PIWIL4: variants seen among roughly 807,000 people sequenced by gnomAD.
The protein encoded by PIWIL4 is piwi like RNA-mediated gene silencing 4.
A neutral mutation model predicts 100.9 loss-of-function variants in PIWIL4; 50 were observed. The observed-to-expected ratio is 0.50, with a 90% CI of 0.39 to 0.63. PIWIL4 has a LOEUF of 0.63. Among genes scored for constraint, PIWIL4 ranks in the 20% least tolerant of loss-of-function variants. PIWIL4 has a pLI of 0.00. For synonymous variants in PIWIL4, 342 were observed against 367.5 expected, an observed-to-expected ratio of 0.93 and a Z score of 0.79; for missense variants, 887 against 1,043.3, an observed-to-expected ratio of 0.85 and a Z score of 2.06.
intron 4 of PIWIL4, among the ~76,000 whole-genome samples, chr11:94,578,313 C>G (rs987360220): frequency 1.3e-5 from 2 of 152,276 alleles, no homozygotes; most frequent in Non-Finnish European, 2.9e-5. Flanking sequence ...GATCTGAATG[C>G]AATGAATTTG....
intron 13 of PIWIL4, 26 bp downstream of exon 13, chr11:94,604,082 C>A (rs758049082): frequency 2.1e-6 from 3 of 1,447,430 alleles, no homozygotes; most frequent in Non-Finnish European, 2.9e-6. Flanking sequence ...TTTTTGAACT[C>A]CTTTAATCTA....
chr11:94,593,810 G>T lies in PIWIL4; in HGVS notation c.1150+169G>T. Reference sequence around the variant, plus strand: ...ATAATAGAGACATGTTGGGGGAATCGATTCCCTTTATCTCATATATTCCAT... The same window carrying T: ...ATAATAGAGACATGTTGGGGGAATCTATTCCCTTTATCTCATATATTCCAT... On this transcript the variant is annotated intron_variant, in intron 9 of 19. Transcript: ENST00000299001. Among the ~76,000 whole-genome samples, 3 of 152,220 alleles carry T rather than the reference G, an allele frequency of 2.0e-5. No individual in the cohort carries two copies. The East Asian group carries it at 5.8e-4, about 29-fold the overall frequency.
In PIWIL4 at chr11:94,567,546, A is replaced by G; in HGVS notation, c.28A>G (p.Arg10Gly). MSGRARVKA[R>G]GIARSPSATE... ...GAGTGGAAGAGCCCGAGTGAAGGCC[A>G]GAGGCATCGCCCGCAGCCCCAGTGC... The change falls in exon 1 of 20, where the codon AGA (arginine) becomes GGA (glycine). Residue 10 changes from arginine (R) to glycine (G), a missense_variant. Transcript: ENST00000299001. 6.2e-7 allele frequency: 1 copy of G among 1,605,186 alleles called. No individual in the cohort carries two copies. Among genetic ancestry groups the G allele is most frequent in the Non-Finnish European group, 8.5e-7 (1 of 1,176,204 alleles).
rs140831045 is a variant in PIWIL4, at chr11:94,612,196, T to C, written c.1943+3510T>C. 2.2e-4 allele frequency among the ~76,000 whole-genome samples: 34 copies of C among 152,286 alleles called. No homozygotes were observed. In the East Asian group the frequency reaches 5.2e-3, roughly 23 times the overall value. ...TATTGCTGTTTCTCTCTTCAGATGT[T>C]AATATTTGATTTATATATTTAGATG... On this transcript the variant is annotated intron_variant, in intron 15 of 19. Coordinates refer to ENST00000299001, the MANE Select transcript of PIWIL4 (RefSeq NM_152431.3).
chr11:94,568,410 G>A (rs983353740), intron 1 of PIWIL4, among the ~76,000 whole-genome samples: 3 of 152,142 alleles, frequency 2.0e-5, no homozygotes, highest in African/African-American at 7.2e-5. Context: ...GAAGCATGAG[G>A]TCCATGTGCA....
At chr11:94,591,236 C>A (rs1372520134) in intron 8 of PIWIL4, among the ~76,000 whole-genome samples, 1 of 152,138 alleles carries the variant, frequency 6.6e-6, no homozygotes, top group Admixed American at 6.5e-5. Flanking sequence ...TCACCCCATC[C>A]ACTCACTGGC....
At chr11:94,620,549 G>A (rs1198698386) in intron 19 of PIWIL4, among the ~76,000 whole-genome samples, 1 of 152,158 alleles carries the variant, frequency 6.6e-6, no homozygotes, top group Admixed American at 6.5e-5. Flanking sequence ...ATTAGGCCAA[G>A]AGCTGTTCCC....
chr11:94,604,584 G>C lies in PIWIL4; in HGVS notation c.1638+528G>C, dbSNP rs141670129. On this transcript the variant is annotated intron_variant, in intron 13 of 19. Coordinates refer to ENST00000299001, the MANE Select transcript of PIWIL4 (RefSeq NM_152431.3). ...GTGTGTGTAGCTGACTTTGCAGACTGTTTGGGGCCAAGGCATGATTACATC... is the reference window on the plus strand; with the variant it reads ...GTGTGTGTAGCTGACTTTGCAGACTCTTTGGGGCCAAGGCATGATTACATC... Among the ~76,000 whole-genome samples, 43 of 152,284 alleles carry C rather than the reference G, an allele frequency of 2.8e-4. 1 individual carries two copies. The Middle Eastern group carries it at 0.01, about 36-fold the overall frequency.
intron 13 of PIWIL4, among the ~76,000 whole-genome samples, chr11:94,606,005 T>C (rs1948711170): frequency 6.6e-6 from 1 of 152,218 alleles, no homozygotes; most frequent in South Asian, 2.1e-4. Flanking sequence ...CCAGGAGTCC[T>C]GATTCCTTTT....
In PIWIL4 at chr11:94,620,265, G is replaced by T. The variant is rs76784511; in HGVS notation, c.2442+121G>T. The T allele has an allele frequency of 4.2e-3, 4,115 of 982,874 alleles. 128 individuals are homozygous for T. In the African/African-American group the frequency reaches 0.061, roughly 15 times the overall value. The allele number at this position is 982,874 out of a possible 1,614,324, so 60.9% of individuals were successfully genotyped here. ...CAATACCTGATATTTCCTAAAGAAG[G>T]AATGAATGAATGAATGAATCAATGA... On this transcript the variant is annotated intron_variant, in intron 19 of 19. Coordinates refer to ENST00000299001, the MANE Select transcript of PIWIL4 (RefSeq NM_152431.3).
chr11:94,572,999 A>C (rs539426477), intron 2 of PIWIL4, among the ~76,000 whole-genome samples: 13 of 152,266 alleles, frequency 8.5e-5, no homozygotes, highest in Non-Finnish European at 1.6e-4. Context: ...TGAAGAGGTC[A>C]TTCACATCCC....
intron 7 of PIWIL4, 129 bp from the exon 8 acceptor site, chr11:94,588,992 C>T (rs1948442620): frequency 1.6e-6 from 1 of 631,004 alleles, no homozygotes; most frequent in African/African-American, 1.8e-5. Flanking sequence ...AGTGAATATT[C>T]TTGTTTTATT....
intron 7 of PIWIL4, among the ~76,000 whole-genome samples, chr11:94,588,109 C>G (rs1050646522): frequency 1.3e-5 from 2 of 152,064 alleles, no homozygotes; most frequent in Non-Finnish European, 2.9e-5. Context: ...CTCTCCCTCC[C>G]CCCGACCCTA....
chr11:94,589,739 C>A (rs941559931), intron 8 of PIWIL4, among the ~76,000 whole-genome samples: 38 of 152,112 alleles, frequency 2.5e-4, no homozygotes, highest in African/African-American at 8.4e-4. Context: ...CCCTTGCATA[C>A]TCAGCTCAGC....
At chr11:94,608,829 A>G (rs1220657751) in intron 15 of PIWIL4, 143 bp downstream of exon 15, 5 of 717,290 alleles carry the variant, frequency 7.0e-6, no homozygotes, top group Non-Finnish European at 4.7e-6. Flanking sequence ...TTACACTTAC[A>G]TATAAAAATG....
At chr11:94,606,481 T>C (rs1035130064) in intron 13 of PIWIL4, among the ~76,000 whole-genome samples, 1 of 152,126 alleles carries the variant, frequency 6.6e-6, no homozygotes, top group African/African-American at 2.4e-5. Flanking sequence ...AAGTGGAGAA[T>C]AAAAGATGAG....
intron 15 of PIWIL4, among the ~76,000 whole-genome samples, chr11:94,616,171 T>C (rs368463881): frequency 2.0e-5 from 3 of 152,232 alleles, no homozygotes; most frequent in African/African-American, 7.2e-5. Flanking sequence ...TAGTAACTAA[T>C]CTACTTACCT....
Position 94,607,624 on chromosome 11 carries a change from G to A in PIWIL4, c.1824G>A (p.Trp608Ter), listed in dbSNP as rs777595264. 1.2e-6 allele frequency: 2 copies of A among 1,613,896 alleles called. No homozygotes were observed. Among genetic ancestry groups the A allele is most frequent in the South Asian group, 2.2e-5 (2 of 91,050 alleles). ...QMTCKLGGEL[W>*]AVEIPLKSLM... ...CTTGCAAGCTCGGAGGCGAGCTGTGGGCTGTGGAAATACCTGTAAGGACCC... is the reference window on the plus strand; with the variant it reads ...CTTGCAAGCTCGGAGGCGAGCTGTGAGCTGTGGAAATACCTGTAAGGACCC... The change falls in exon 14 of 20, where the codon TGG becomes TGA. Residue 608 changes from tryptophan to a stop codon, truncating the protein, a stop_gained. Transcript: ENST00000299001. LOFTEE classifies it high-confidence loss of function.
Position 94,567,523 on chromosome 11 carries a change from G to C in PIWIL4, c.5G>C (p.Ser2Thr). The C allele has an allele frequency of 1.3e-6, 2 of 1,597,642 alleles. No homozygotes were observed. Among genetic ancestry groups the C allele is most frequent in the Non-Finnish European group, 1.7e-6 (2 of 1,172,424 alleles). Residue 2 changes from serine (S) to threonine (T), a missense_variant, in exon 1 of 20, where the codon AGT becomes ACT. Around this residue, in one of 2 missense-constraint regions of PIWIL4, gnomAD observed 146 missense variants for 113.4 expected, o/e 1.29. Transcript: ENST00000299001. M[S>T]GRARVKARGI... ...CACTCTGGGCTCACCGGGAACATGA[G>C]TGGAAGAGCCCGAGTGAAGGCCAGA... is the stretch of plus-strand genomic sequence containing the variant.
Sources: gnomAD v4.1 joint callset for allele counts (sites outside exome capture counted in the v4.1 genomes callset) on GRCh38, gnomAD v4.1.1 for gene constraint, gnomAD v4.1.1 regional missense constraint, MANE v1.5 for transcripts, NCBI Gene and HGNC (gene_info 2026-07-23, HGNC 2026-07-21) for gene names.